ZNF562: variants seen among roughly 807,000 people sequenced by gnomAD.
The protein encoded by ZNF562 is zinc finger protein 562.
In ZNF562, 13 loss-of-function variants were observed where a neutral mutation model predicts 17.5. The observed-to-expected ratio is 0.74, with a 90% CI of 0.48 to 1.18. The LOEUF (loss-of-function observed/expected upper bound fraction) is 1.18. ZNF562 is among the 50% of genes most tolerant of loss of function. ZNF562 has a pLI of 0.00. For missense variants in ZNF562, 481 were observed against 498.5 expected (o/e 0.96, Z 0.33); for synonymous variants, 163 against 165.4 (o/e 0.99, Z 0.11).
intron 1 of ZNF562, among the ~76,000 whole-genome samples, chr19:9,673,631 A>C (rs2044285886): frequency 6.6e-6 from 1 of 152,202 alleles, no homozygotes; most frequent in Non-Finnish European, 1.5e-5. Flanking sequence ...AGCTGGTAAC[A>C]ATTAGAAAAA....
In ZNF562 at chr19:9,650,954, CA is replaced by C. The variant is rs74178208; in HGVS notation, c.*1994del. On this transcript the variant is annotated 3_prime_UTR_variant, in exon 6 of 6. Coordinates refer to ENST00000453372, the MANE Select transcript of ZNF562 (RefSeq NM_001130031.2). ...GGGCAACAAGAGCAAAACTCCATCT[CA>C]AAAAAAAAAAAAAAAAAAAAAAAAA... 0.059 allele frequency: 2,701 copies of C among 46,142 alleles called. 11 individuals are homozygous for C. The highest frequency in any genetic ancestry group is 0.18 in the East Asian group (181 of 990). The allele number at this position is 46,142 out of a possible 1,614,324, so 2.9% of individuals were successfully genotyped here. A position where few individuals can be genotyped will look rare whatever the true frequency, so the allele number is the denominator to read the frequency against.
rs374757313 is a variant in ZNF562 at position 9,656,464 on chromosome 19, G to C, written c.348+83C>G. On this transcript the variant is annotated intron_variant, in intron 5 of 5. Coordinates refer to ENST00000453372, the MANE Select transcript of ZNF562 (RefSeq NM_001130031.2). Reference sequence around the variant, plus strand: ...TTGGAGGTTGCGGTGAGCTGAGATGGTGCCACTGCACTTCAGCCTGGCAGA... The same window carrying C: ...TTGGAGGTTGCGGTGAGCTGAGATGCTGCCACTGCACTTCAGCCTGGCAGA... 1,558 of 1,456,458 alleles carry C rather than the reference G, an allele frequency of 1.1e-3. 22 individuals carry two copies. In the South Asian group the frequency reaches 0.017, roughly 16 times the overall value. 90.2% of individuals were successfully genotyped at this position (1,456,458 alleles called of 1,614,324 possible).
chr19:9,658,780 C>CATCT (rs770580581), intron 3 of ZNF562, among the ~76,000 whole-genome samples: 3 of 151,756 alleles, frequency 2.0e-5, no homozygotes, highest in South Asian at 2.1e-4. Flanking sequence ...ATCTATCTAG[C>CATCT]ATCTATCTAT....
In ZNF562 at chr19:9,660,761, T is replaced by A; in HGVS notation, c.-17A>T. The A allele has an allele frequency of 6.2e-7, 1 of 1,613,486 alleles. No homozygotes were observed. The highest frequency in any genetic ancestry group is 1.1e-5 in the South Asian group (1 of 91,038). On this transcript the variant is annotated 5_prime_UTR_variant, in exon 2 of 6. Transcript: ENST00000453372. ...GGCTGACATCCTCTGAAGCTGATGG[T>A]GAGATGTGCCTCAATGCTGTCTTTC... is the stretch of plus-strand genomic sequence containing the variant.
At chr19:9,663,737 C>T (rs543043694) in intron 1 of ZNF562, among the ~76,000 whole-genome samples, 35 of 151,720 alleles carry the variant, frequency 2.3e-4, no homozygotes, top group African/African-American at 8.2e-4. Flanking sequence ...AGTGCAGTGG[C>T]GCGATCTCGG....
In ZNF562 at chr19:9,652,181, A is replaced by C. The variant is rs2074876568; in HGVS notation, c.*768T>G. ...GGATTATACTATAAGAGACACTGCC[A>C]CTTACATTGTGCCACCTAAAATGGA... On this transcript the variant is annotated 3_prime_UTR_variant, in exon 6 of 6. Coordinates refer to ENST00000453372, the MANE Select transcript of ZNF562 (RefSeq NM_001130031.2). 1 of 152,260 alleles carries C rather than the reference A, an allele frequency of 6.6e-6. No homozygotes were observed. Among genetic ancestry groups the C allele is most frequent in the Admixed American group, 6.5e-5 (1 of 15,276 alleles). 9.4% of individuals were successfully genotyped at this position (152,260 alleles called of 1,614,324 possible).
chr19:9,650,151 A>G lies in ZNF562; in HGVS notation c.*2798T>C, dbSNP rs114993032. 4.5e-3 allele frequency: 691 copies of G among 152,298 alleles called. 6 individuals are homozygous for G. The highest frequency in any genetic ancestry group is 0.016 in the African/African-American group (660 of 41,574). The allele number at this position is 152,298 out of a possible 1,614,324, so 9.4% of individuals were successfully genotyped here. ...TCTCACCAGAACTGCAAAGACAAGT[A>G]TGCTGGTATTACTACTTTTAGTTGG... On this transcript the variant is annotated 3_prime_UTR_variant, in exon 6 of 6. Transcript: ENST00000453372.
Position 9,671,254 on chromosome 19 carries a change from G to A in ZNF562, c.-131+3761C>T, listed in dbSNP as rs542126688. 9.9e-5 allele frequency among the ~76,000 whole-genome samples: 15 copies of A among 152,146 alleles called. No homozygotes were observed. In the South Asian group the frequency reaches 2.5e-3, roughly 25 times the overall value. On this transcript the variant is annotated intron_variant, in intron 1 of 5. Coordinates refer to ENST00000453372, the MANE Select transcript of ZNF562 (RefSeq NM_001130031.2). ...CTCTGAAAATATGTTCATCTATTAT[G>A]AATCAAAAAAATTTTTCTGGATTGT...
chr19:9,646,080 T>G lies in ZNF562; in HGVS notation c.*6869A>C, dbSNP rs574407599. ...TATTCAAGTATTTTTTCTTTTTTTT[T>G]TTTTTTTTGTGACAGAGTTTCACTC... On this transcript the variant is annotated 3_prime_UTR_variant, in exon 6 of 6. Transcript: ENST00000453372. 1 of 151,068 alleles carries G rather than the reference T, an allele frequency of 6.6e-6. No individual in the cohort carries two copies. The highest frequency in any genetic ancestry group is 1.5e-5 in the Non-Finnish European group (1 of 67,626). 9.4% of individuals were successfully genotyped at this position (151,068 alleles called of 1,614,324 possible).
At chr19:9,665,527 G>T (rs1479692730) in intron 1 of ZNF562, among the ~76,000 whole-genome samples, 1 of 152,152 alleles carries the variant, frequency 6.6e-6, no homozygotes, top group African/African-American at 2.4e-5. Flanking sequence ...AAAGAGGGGA[G>T]GCAGGACTAC....
At position 9,662,577 on chromosome 19, in the gene ZNF562, G is replaced by C. The variant is rs545063811; in HGVS notation, c.-130-1703C>G. On this transcript the variant is annotated intron_variant, in intron 1 of 5. Transcript: ENST00000453372. ...ACTCCATCTCAAAAAAAAAAAAAGA[G>C]AGAAAGAAAATATAGACAACAGGCC... Among the ~76,000 whole-genome samples the C allele has an allele frequency of 2.6e-5, 4 of 151,388 alleles. No homozygotes were observed. The East Asian group carries it at 7.8e-4, about 29-fold the overall frequency.
At chr19:9,672,100 G>A (rs1223656377) in intron 1 of ZNF562, among the ~76,000 whole-genome samples, 1 of 152,166 alleles carries the variant, frequency 6.6e-6, no homozygotes, top group Non-Finnish European at 1.5e-5. Flanking sequence ...CTAAGAGAAT[G>A]AGTGTGACTC....
intron 1 of ZNF562, among the ~76,000 whole-genome samples, chr19:9,664,305 G>A (rs181514206): frequency 2.5e-4 from 38 of 152,300 alleles, no homozygotes; most frequent in African/African-American, 8.4e-4. Flanking sequence ...CTGACCACGA[G>A]TGGTCCACCC....
intron 4 of ZNF562, among the ~76,000 whole-genome samples, chr19:9,657,724 T>C (rs2043563875): frequency 6.6e-6 from 1 of 151,730 alleles, no homozygotes; most frequent in South Asian, 2.1e-4. Context: ...TTTTTTTGCA[T>C]TTTTAGTAGA....
rs1266094087 is a variant in ZNF562, at chr19:9,644,253, G to T, written c.*8696C>A. On this transcript the variant is annotated 3_prime_UTR_variant, in exon 6 of 6. Transcript: ENST00000453372. Reference sequence around the variant, plus strand: ...TTGCTTCATTGTTAATACTCTGAAAGGATTTATGGAGAATTAGGACCAATT... The same window carrying T: ...TTGCTTCATTGTTAATACTCTGAAATGATTTATGGAGAATTAGGACCAATT... 6.6e-6 allele frequency: 1 copy of T among 152,046 alleles called. No homozygotes were observed. The highest frequency in any genetic ancestry group is 1.5e-5 in the Non-Finnish European group (1 of 68,000). The allele number at this position is 152,046 out of a possible 1,614,324, so 9.4% of individuals were successfully genotyped here. A position where few individuals can be genotyped will look rare whatever the true frequency, so the allele number is the denominator to read the frequency against.
intron 1 of ZNF562, among the ~76,000 whole-genome samples, chr19:9,667,428 T>C (rs1039825750): frequency 6.6e-6 from 1 of 152,134 alleles, no homozygotes; most frequent in Non-Finnish European, 1.5e-5. Flanking sequence ...CAGGGAAAAA[T>C]TGAAAGTCTT....
chr19:9,660,884 C>T lies in ZNF562; in HGVS notation c.-130-10G>A. Reference sequence around the variant, plus strand: ...AGGGTTATCTGAGGCCCTGTTCATACCAATCACCAAACAACAAGCATCAAA... The same window carrying T: ...AGGGTTATCTGAGGCCCTGTTCATATCAATCACCAAACAACAAGCATCAAA... On this transcript the variant is annotated splice_polypyrimidine_tract_variant and intron_variant, in intron 1 of 5. Coordinates refer to ENST00000453372, the MANE Select transcript of ZNF562 (RefSeq NM_001130031.2). The T allele has an allele frequency of 1.5e-6, 1 of 669,980 alleles. No individual in the cohort carries two copies. Among genetic ancestry groups the T allele is most frequent in the Non-Finnish European group, 2.4e-6 (1 of 408,610 alleles). The allele number at this position is 669,980 out of a possible 1,614,324, so 41.5% of individuals were successfully genotyped here.
At chr19:9,664,626 T>C (rs1039377059) in intron 1 of ZNF562, among the ~76,000 whole-genome samples, 36 of 152,278 alleles carry the variant, frequency 2.4e-4, no homozygotes, top group African/African-American at 8.7e-4. Flanking sequence ...TGAGGACTTT[T>C]GGGTTTCTGC....
chr19:9,648,490 A>G lies in ZNF562; in HGVS notation c.*4459T>C, dbSNP rs2074825093. 6.6e-6 allele frequency: 1 copy of G among 151,910 alleles called. No individual in the cohort carries two copies. The highest frequency in any genetic ancestry group is 1.5e-5 in the Non-Finnish European group (1 of 67,982). The allele number at this position is 151,910 out of a possible 1,614,324, so 9.4% of individuals were successfully genotyped here. On this transcript the variant is annotated 3_prime_UTR_variant, in exon 6 of 6. Coordinates refer to ENST00000453372, the MANE Select transcript of ZNF562 (RefSeq NM_001130031.2). ...GCTAATTTTTGTATTGTTAGTAGAG[A>G]TGGGGTTTCACCATGTTGGCTGGGC... is the stretch of plus-strand genomic sequence containing the variant.
Sources: allele counts gnomAD v4.1 joint callset (sites outside exome capture counted in the v4.1 genomes callset), GRCh38; gene constraint gnomAD v4.1.1; transcripts MANE v1.5; gene names NCBI Gene and HGNC (gene_info 2026-07-23, HGNC 2026-07-21).